SPECC1L: variants seen among roughly 807,000 people sequenced by gnomAD.
SPECC1L encodes sperm antigen with calponin homology and coiled-coil domains 1 like.
In SPECC1L, 40 loss-of-function variants were observed where a neutral mutation model predicts 116.8. The ratio of observed to expected loss-of-function variants is 0.34; its 90% CI spans 0.27 to 0.45. The LOEUF is 0.45. SPECC1L is among the 20% of genes least tolerant of loss of function. The pLI is 1.00. For synonymous variants in SPECC1L, 504 were observed against 500.6 expected (o/e 1.01, Z -0.09); for missense variants, 1,110 against 1,373.6 (o/e 0.81, Z 3.03).
At chr22:24,327,587 T>A (rs1165477739) in intron 6 of SPECC1L, among the ~76,000 whole-genome samples, 1 of 152,114 alleles carries the variant, frequency 6.6e-6, no homozygotes, top group Non-Finnish European at 1.5e-5. Context: ...CCAGAAACAC[T>A]AATGTCTATA....
chr22:24,308,654 C>CT (rs35405534), intron 3 of SPECC1L, among the ~76,000 whole-genome samples: 3 of 151,784 alleles, frequency 2.0e-5, no homozygotes, highest in East Asian at 1.9e-4. Flanking sequence ...TATATCTATC[C>CT]TTTTTTTTAC....
At chr22:24,361,840 GAAAGAAGAAGAAGAGGAA>G (rs1478858105) in intron 11 of SPECC1L, among the ~76,000 whole-genome samples, 1 of 150,358 alleles carries the variant, frequency 6.7e-6, no homozygotes, top group Non-Finnish European at 1.5e-5. Flanking sequence ...GAGAGAGAGA[GAAAGAAGAAGAAGAGGAA>G]GAGGAAGGAG....
At chr22:24,410,029 A>T (rs1018846709) in intron 14 of SPECC1L, among the ~76,000 whole-genome samples, 8 of 152,362 alleles carry the variant, frequency 5.3e-5, no homozygotes, top group Middle Eastern at 3.4e-3. Context: ...AAAAAATTTT[A>T]AAAAGTTGAG....
chr22:24,373,725 C>G (rs1601303146), intron 14 of SPECC1L, among the ~76,000 whole-genome samples: 1 of 152,194 alleles, frequency 6.6e-6, no homozygotes, highest in Admixed American at 6.5e-5. Context: ...GCAAGGACTT[C>G]ATGTTTAAAA....
chr22:24,372,618 C>T (rs1459515530), intron 14 of SPECC1L, among the ~76,000 whole-genome samples: 5 of 152,110 alleles, frequency 3.3e-5, no homozygotes, highest in South Asian at 2.1e-4. Context: ...ATTGATGGGA[C>T]GTATCTCAAA....
At position 24,326,190 on chromosome 22, in the gene SPECC1L, T is replaced by G. The variant is rs181029436; in HGVS notation, c.2146+1763T>G. On this transcript the variant is annotated intron_variant, in intron 6 of 16. Coordinates refer to ENST00000314328, the MANE Select transcript of SPECC1L (RefSeq NM_015330.6). ...CTGGTCTCGAACTCCTGACCTCAGG[T>G]GATCAGCAGATATTACAGGCCTGTG... Among the ~76,000 whole-genome samples the G allele has an allele frequency of 1.2e-3, 180 of 152,238 alleles. 1 individual carries two copies. Among genetic ancestry groups the G allele is most frequent in the African/African-American group, 4.1e-3 (170 of 41,554 alleles).
intron 14 of SPECC1L, among the ~76,000 whole-genome samples, chr22:24,393,497 C>T (rs1198277325): frequency 6.6e-6 from 1 of 152,170 alleles, no homozygotes; most frequent in Non-Finnish European, 1.5e-5. Context: ...GGATATCTTC[C>T]ATCAGACATC....
At chr22:24,357,103 A>G (rs1364248781) in intron 11 of SPECC1L, among the ~76,000 whole-genome samples, 1 of 152,084 alleles carries the variant, frequency 6.6e-6, no homozygotes, top group Non-Finnish European at 1.5e-5. Context: ...TACAGTTTTC[A>G]CAGTTTTATT....
chr22:24,350,955 G>T (rs1254348480), intron 11 of SPECC1L, among the ~76,000 whole-genome samples: 1 of 152,192 alleles, frequency 6.6e-6, no homozygotes, highest in African/African-American at 2.4e-5. Context: ...TGATCCTGGG[G>T]CATCAGAGGA....
intron 10 of SPECC1L, among the ~76,000 whole-genome samples, chr22:24,338,946 C>T (rs2041117697): frequency 6.6e-6 from 1 of 152,212 alleles, no homozygotes. Context: ...AAAGGTGTCT[C>T]TTGAGTAGAA....
At chr22:24,340,441 G>A (rs1195696324) in intron 10 of SPECC1L, among the ~76,000 whole-genome samples, 4 of 151,982 alleles carry the variant, frequency 2.6e-5, no homozygotes, top group Non-Finnish European at 5.9e-5. Flanking sequence ...GCCACTGTGC[G>A]CAGCTGATTT....
intron 11 of SPECC1L, among the ~76,000 whole-genome samples, chr22:24,354,711 G>T (rs1447540920): frequency 6.6e-6 from 1 of 151,104 alleles, no homozygotes; most frequent in Non-Finnish European, 1.5e-5. Flanking sequence ...CCTGTCGCTG[G>T]AGTGCAACGG....
At chr22:24,379,775 A>G (rs2042032087) in intron 14 of SPECC1L, among the ~76,000 whole-genome samples, 1 of 152,154 alleles carries the variant, frequency 6.6e-6, no homozygotes, top group African/African-American at 2.4e-5. Flanking sequence ...ACAGATATCT[A>G]TCTGTTCCTT....
At chr22:24,359,323 G>A (rs1047292883) in intron 11 of SPECC1L, among the ~76,000 whole-genome samples, 13 of 152,040 alleles carry the variant, frequency 8.6e-5, no homozygotes, top group African/African-American at 2.7e-4. Flanking sequence ...TTACAGTTTC[G>A]AAACAAAATA....
At chr22:24,376,369 AC>A (rs2041971951) in intron 14 of SPECC1L, among the ~76,000 whole-genome samples, 3 of 152,220 alleles carry the variant, frequency 2.0e-5, no homozygotes, top group African/African-American at 7.2e-5. Flanking sequence ...AACTGTTGGA[AC>A]TAGTAAATCC....
intron 11 of SPECC1L, among the ~76,000 whole-genome samples, chr22:24,352,971 T>A (rs1203849435): frequency 6.6e-6 from 1 of 152,214 alleles, no homozygotes; most frequent in Non-Finnish European, 1.5e-5. Flanking sequence ...ACAAAGTAAG[T>A]TATAATCACT....
chr22:24,328,353 G>T (rs952069639), intron 6 of SPECC1L, among the ~76,000 whole-genome samples: 1 of 151,976 alleles, frequency 6.6e-6, no homozygotes, highest in African/African-American at 2.4e-5. Flanking sequence ...TTTTTAAAAA[G>T]ATTTTTATAG....
chr22:24,377,532 C>T (rs950184574), intron 14 of SPECC1L, among the ~76,000 whole-genome samples: 13 of 152,122 alleles, frequency 8.5e-5, no homozygotes, highest in African/African-American at 2.4e-5. Flanking sequence ...TGAAATTGAT[C>T]TTGTTACTTC....
At chr22:24,279,188 A>C (rs1380794543) in intron 2 of SPECC1L, among the ~76,000 whole-genome samples, 1 of 152,196 alleles carries the variant, frequency 6.6e-6, no homozygotes, top group Non-Finnish European at 1.5e-5. Context: ...AAGCTGCTTT[A>C]AATTGTTGAC....
Sources: allele counts gnomAD v4.1 joint callset (sites outside exome capture counted in the v4.1 genomes callset), GRCh38; gene constraint gnomAD v4.1.1; transcripts MANE v1.5; gene names NCBI Gene and HGNC (gene_info 2026-07-23, HGNC 2026-07-21).